EVA1A: variants seen among roughly 807,000 people sequenced by gnomAD.
EVA1A encodes eva-1 homolog A, regulator of programmed cell death, also known as protein eva-1 homolog A.
In EVA1A, 7 loss-of-function variants were observed where a neutral mutation model predicts 9.8. The ratio of observed to expected loss-of-function variants is 0.71; its 90% confidence interval spans 0.41 to 1.34. The LOEUF is 1.34. EVA1A is among the 40% of genes most tolerant of loss of function. EVA1A has a pLI of 0.01. For missense variants in EVA1A, 206 were observed against 205.9 expected, an observed-to-expected ratio of 1.00 and a Z score of 0.00; for synonymous variants, 90 against 85.6, an observed-to-expected ratio of 1.05 and a Z score of -0.28.
intron 2 of EVA1A, among the ~76,000 whole-genome samples, chr2:75,521,273 G>A (rs1301304656): frequency 6.6e-6 from 1 of 152,186 alleles, no homozygotes; most frequent in Non-Finnish European, 1.5e-5. Context: ...AAAATAGGAT[G>A]ACTATTCCTT....
rs551386501 is a variant in EVA1A, at chr2:75,554,217, G to A, written c.-192+6463C>T. Among the ~76,000 whole-genome samples, 28 of 152,328 alleles carry A rather than the reference G, an allele frequency of 1.8e-4. No individual in the cohort carries two copies. In the South Asian group the frequency reaches 5.8e-3, roughly 32 times the overall value. On this transcript the variant is annotated intron_variant, in intron 1 of 3. Transcript: ENST00000393913. ...CAGGAGGGGGCAAGGCAAAAGGGGA[G>A]AGGCTTAAATTACAGCAGGTGTTTT...
chr2:75,529,885 G>A (rs1675582298), intron 1 of EVA1A, among the ~76,000 whole-genome samples: 2 of 151,612 alleles, frequency 1.3e-5, no homozygotes, highest in Admixed American at 6.6e-5. Context: ...ATGAAAAGAA[G>A]TAACAAGGAT....
chr2:75,543,831 C>G (rs1217174534), intron 1 of EVA1A, among the ~76,000 whole-genome samples: 2 of 152,184 alleles, frequency 1.3e-5, no homozygotes, highest in African/African-American at 4.8e-5. Context: ...TTTACCTGAT[C>G]AAAACAGGGA....
At chr2:75,504,669 C>G (rs1023526732) in intron 3 of EVA1A, among the ~76,000 whole-genome samples, 1 of 152,016 alleles carries the variant, frequency 6.6e-6, no homozygotes, top group Admixed American at 6.6e-5. Flanking sequence ...ATAGATGAAG[C>G]TGGAAGCCAT....
intron 1 of EVA1A, among the ~76,000 whole-genome samples, chr2:75,531,534 TTA>T (rs57814618): frequency 1.0e-4 from 15 of 150,160 alleles, no homozygotes; most frequent in Admixed American, 9.3e-4. Context: ...TAATATGTAG[TTA>T]TATATATATA....
At chr2:75,495,691 C>T (rs920853621) in intron 3 of EVA1A, among the ~76,000 whole-genome samples, 1 of 152,108 alleles carries the variant, frequency 6.6e-6, no homozygotes, top group African/African-American at 2.4e-5. Flanking sequence ...GTGATGGGTA[C>T]ACTAAAATCT....
At chr2:75,530,662 T>C (rs970123859) in intron 1 of EVA1A, among the ~76,000 whole-genome samples, 5 of 152,160 alleles carry the variant, frequency 3.3e-5, no homozygotes, top group African/African-American at 1.2e-4. Context: ...TATATGATCA[T>C]CTCAATAGAT....
chr2:75,502,889 G>T (rs1041932650), intron 3 of EVA1A, among the ~76,000 whole-genome samples: 1 of 152,154 alleles, frequency 6.6e-6, no homozygotes, highest in African/African-American at 2.4e-5. Flanking sequence ...AATAGAAAAC[G>T]ATATTAAAGG....
At chr2:75,518,694 C>T in intron 2 of EVA1A, 2 of 987,346 alleles carry the variant, frequency 2.0e-6, no homozygotes, top group Non-Finnish European at 2.4e-6. Flanking sequence ...AGGCACAGCC[C>T]ATCGGGTTCA....
At position 75,493,617 on chromosome 2, in the gene EVA1A, A is replaced by G; in HGVS notation, c.86-8T>C. ...CTGCTCGCTCAGGATTTTCTGGAGG[A>G]AGAAGAGGAAGAAGCAAGCATTTGA... On this transcript the variant is annotated splice_polypyrimidine_tract_variant and splice_region_variant and intron_variant, in intron 3 of 3. Coordinates refer to ENST00000393913, the MANE Select transcript of EVA1A (RefSeq NM_001135032.2). 3 of 1,568,202 alleles carry G rather than the reference A, an allele frequency of 1.9e-6. No individual in the cohort carries two copies. Among genetic ancestry groups the G allele is most frequent in the Non-Finnish European group, 2.6e-6 (3 of 1,155,772 alleles).
At chr2:75,511,703 A>T (rs1166630212) in intron 3 of EVA1A, among the ~76,000 whole-genome samples, 1 of 152,112 alleles carries the variant, frequency 6.6e-6, no homozygotes, top group Non-Finnish European at 1.5e-5. Flanking sequence ...TCCTTGCTAC[A>T]TGTCTTTTTA....
chr2:75,534,208 C>T (rs895634689), intron 1 of EVA1A, among the ~76,000 whole-genome samples: 1 of 151,952 alleles, frequency 6.6e-6, no homozygotes, highest in African/African-American at 2.4e-5. Flanking sequence ...CACGGTACTC[C>T]AGCTTGGGCA....
At chr2:75,557,640 C>A (rs1676761603) in intron 1 of EVA1A, among the ~76,000 whole-genome samples, 1 of 152,206 alleles carries the variant, frequency 6.6e-6, no homozygotes, top group East Asian at 1.9e-4. Context: ...CCCAAGTCTG[C>A]ACCTCTCTCC....
chr2:75,546,120 G>C (rs1463713276), intron 1 of EVA1A, among the ~76,000 whole-genome samples: 2 of 152,170 alleles, frequency 1.3e-5, no homozygotes, highest in Non-Finnish European at 2.9e-5. Flanking sequence ...GGGAGGCCTG[G>C]TGTGTTCTGC....
chr2:75,522,705 C>A (rs548604294), intron 1 of EVA1A, among the ~76,000 whole-genome samples: 2 of 152,320 alleles, frequency 1.3e-5, no homozygotes, highest in Middle Eastern at 3.4e-3. Context: ...CTCCCAGGGT[C>A]ATACCAGAAA....
upstream of EVA1A, among the ~76,000 whole-genome samples, chr2:75,563,440 A>C (rs1421607038): frequency 2.0e-5 from 3 of 152,178 alleles, no homozygotes; most frequent in Non-Finnish European, 4.4e-5. Context: ...CACCTTGGAA[A>C]GGAACCCCTC....
chr2:75,532,645 G>C (rs7604814), intron 1 of EVA1A, among the ~76,000 whole-genome samples: 8,049 of 152,198 alleles, frequency 0.053, 703 homozygotes, highest in African/African-American at 0.18. Flanking sequence ...TATTACAAAA[G>C]ACCTAACATT....
intron 3 of EVA1A, among the ~76,000 whole-genome samples, chr2:75,515,216 T>G (rs1674961665): frequency 6.6e-6 from 1 of 152,038 alleles, no homozygotes; most frequent in South Asian, 2.1e-4. Flanking sequence ...TAATGTTTCA[T>G]TTTCCCCTAG....
intron 1 of EVA1A, among the ~76,000 whole-genome samples, chr2:75,537,589 AGGT>A (rs1252830325): frequency 6.6e-6 from 1 of 152,222 alleles, no homozygotes; most frequent in Non-Finnish European, 1.5e-5. Context: ...AAAAACCTCC[AGGT>A]ATGCCATGGA....
Sources: allele counts gnomAD v4.1 joint callset (sites outside exome capture counted in the v4.1 genomes callset), GRCh38; gene constraint gnomAD v4.1.1; transcripts MANE v1.5; gene names NCBI Gene and HGNC (gene_info 2026-07-23, HGNC 2026-07-21).